ADAMTSL3: variants seen among roughly 807,000 people sequenced by gnomAD.
The protein encoded by ADAMTSL3 is ADAMTS like 3.
ADAMTSL3 carries 128 observed loss-of-function variants against 201.7 expected under a neutral mutation model. The observed-to-expected ratio is 0.63, with a 90% CI of 0.55 to 0.73. The LOEUF is 0.73. Ranked by LOEUF, ADAMTSL3 falls within the 30% of genes least tolerant of loss-of-function variation. The probability of loss-of-function intolerance (pLI) is 0.00; values close to 1 mark genes in which losing one functional copy is unlikely to be tolerated. For synonymous variants in ADAMTSL3, 738 were observed against 748.4 expected (o/e 0.99, Z 0.23); for missense variants, 1,990 against 2,119.6 (o/e 0.94, Z 1.20).
intron 4 of ADAMTSL3, among the ~76,000 whole-genome samples, chr15:83,794,735 C>G (rs755838367): frequency 1.3e-5 from 2 of 151,968 alleles, no homozygotes; most frequent in African/African-American, 4.8e-5. Flanking sequence ...TGTACATTAC[C>G]TGTATTAATA....
intron 20 of ADAMTSL3, among the ~76,000 whole-genome samples, chr15:83,980,538 T>C (rs1434915387): frequency 6.6e-6 from 1 of 152,148 alleles, no homozygotes; most frequent in Non-Finnish European, 1.5e-5. Flanking sequence ...GCTGGGCCAT[T>C]TGACATACTT....
At chr15:83,819,718 T>C (rs1311623955) in intron 5 of ADAMTSL3, 93 bp from the exon 6 acceptor site, 1 of 956,552 alleles carries the variant, frequency 1.0e-6, no homozygotes, top group Non-Finnish European at 1.7e-6. Context: ...GCAAGTGAGG[T>C]GTGGTCTCAT....
In ADAMTSL3 at chr15:83,917,417, G is replaced by GTGTGTGTGTGTATGTA. The variant is rs9329362; in HGVS notation, c.1987+4042_1987+4043insGTGTGTGTATGTATGT. On this transcript the variant is annotated intron_variant, in intron 16 of 29. Coordinates refer to ENST00000286744, the MANE Select transcript of ADAMTSL3 (RefSeq NM_207517.3). Reference sequence around the variant, plus strand: ...CACCAATCTCCAGCTTCCAAAGTGTGTGTATGTATGTATGTATGTATGTAT... The same window carrying GTGTGTGTGTGTATGTA: ...CACCAATCTCCAGCTTCCAAAGTGTGTGTGTGTGTGTATGTATGTATGTATGTATGTATGTATGTAT... Among the ~76,000 whole-genome samples, 77 of 146,634 alleles carry GTGTGTGTGTGTATGTA rather than the reference G, an allele frequency of 5.3e-4. 1 individual carries two copies. Among genetic ancestry groups the GTGTGTGTGTGTATGTA allele is most frequent in the Admixed American group, 4.1e-3 (60 of 14,586 alleles).
chr15:83,876,440 A>AT (rs77506126), intron 9 of ADAMTSL3, among the ~76,000 whole-genome samples: 3 of 150,962 alleles, frequency 2.0e-5, no homozygotes, highest in Non-Finnish European at 4.4e-5. Context: ...TTCTATTTTC[A>AT]TTTTTTTTCT....
chr15:83,686,550 C>A (rs890356571), intron 2 of ADAMTSL3, among the ~76,000 whole-genome samples: 1 of 152,078 alleles, frequency 6.6e-6, no homozygotes, highest in Non-Finnish European at 1.5e-5. Flanking sequence ...ATGTGGTGTT[C>A]TTGCAGTTAG....
intron 3 of ADAMTSL3, among the ~76,000 whole-genome samples, chr15:83,763,663 C>A (rs991205612): frequency 6.6e-6 from 1 of 152,060 alleles, no homozygotes. Context: ...CACCACCATG[C>A]CTGGCTAATT....
chr15:83,935,550 G>GGA (rs1567247322), intron 17 of ADAMTSL3, among the ~76,000 whole-genome samples: 4 of 151,394 alleles, frequency 2.6e-5, no homozygotes, highest in South Asian at 2.1e-4. Context: ...TCCCAAACGG[G>GGA]AAAAAAAATA....
chr15:83,772,854 C>T (rs982964175), intron 3 of ADAMTSL3, among the ~76,000 whole-genome samples: 2 of 152,038 alleles, frequency 1.3e-5, no homozygotes, highest in Non-Finnish European at 2.9e-5. Flanking sequence ...TACAGGCACG[C>T]ACCATCACAC....
intron 17 of ADAMTSL3, among the ~76,000 whole-genome samples, chr15:83,927,956 A>G (rs2066280528): frequency 6.6e-6 from 1 of 151,076 alleles, no homozygotes. Flanking sequence ...AATTGTGACT[A>G]CAATTTGGCT....
intron 6 of ADAMTSL3, among the ~76,000 whole-genome samples, chr15:83,831,557 A>C (rs2064157456): frequency 6.6e-6 from 1 of 152,072 alleles, no homozygotes; most frequent in Non-Finnish European, 1.5e-5. Context: ...TTTTGAGACA[A>C]AGTCTCTCTC....
intron 7 of ADAMTSL3, among the ~76,000 whole-genome samples, chr15:83,851,306 A>T (rs1425128677): frequency 1.3e-5 from 2 of 152,152 alleles, no homozygotes; most frequent in African/African-American, 4.8e-5. Flanking sequence ...CAAGAGTTAT[A>T]TAGTAGGCAG....
At chr15:83,951,201 C>CTT (rs57418721) in intron 19 of ADAMTSL3, among the ~76,000 whole-genome samples, 1 of 151,068 alleles carries the variant, frequency 6.6e-6, no homozygotes, top group African/African-American at 2.4e-5. Context: ...TTCTATACTC[C>CTT]TTTTTTTTAG....
chr15:83,819,568 G>A (rs1178511473), intron 5 of ADAMTSL3, among the ~76,000 whole-genome samples: 2 of 151,688 alleles, frequency 1.3e-5, no homozygotes, highest in Non-Finnish European at 2.9e-5. Context: ...ATACCTGGGT[G>A]GGTGAATGAT....
intron 7 of ADAMTSL3, among the ~76,000 whole-genome samples, chr15:83,858,021 T>A (rs2064777304): frequency 6.6e-6 from 1 of 152,228 alleles, no homozygotes; most frequent in Admixed American, 6.5e-5. Flanking sequence ...GGACCAGGAT[T>A]TCCAGTAGGT....
intron 23 of ADAMTSL3, among the ~76,000 whole-genome samples, chr15:84,013,695 G>T (rs759044095): frequency 1.8e-4 from 28 of 152,188 alleles, no homozygotes; most frequent in Non-Finnish European, 3.2e-4. Flanking sequence ...GGTCACTTGA[G>T]CCCAGGAGGT....
chr15:83,788,226 A>T (rs894009308), intron 4 of ADAMTSL3, among the ~76,000 whole-genome samples: 1 of 152,002 alleles, frequency 6.6e-6, no homozygotes, highest in Non-Finnish European at 1.5e-5. Flanking sequence ...ATTCACTTTA[A>T]TTTTCTTTTA....
At chr15:83,819,468 G>T (rs1313623941) in intron 5 of ADAMTSL3, among the ~76,000 whole-genome samples, 5 of 152,054 alleles carry the variant, frequency 3.3e-5, no homozygotes, top group Admixed American at 2.6e-4. Context: ...AAGGAGATTA[G>T]ATAATGCATT....
chr15:83,826,181 CTG>C (rs1408473637), intron 6 of ADAMTSL3, among the ~76,000 whole-genome samples: 1 of 152,136 alleles, frequency 6.6e-6, no homozygotes, highest in Non-Finnish European at 1.5e-5. Flanking sequence ...TTACAGCTCA[CTG>C]TAGCCTTGGG....
chr15:84,021,413 C>A lies in ADAMTSL3; in HGVS notation c.4277C>A (p.Pro1426His). ...ATATTTTGTTTTCTTTCTGCAGAGC[C>A]TTTTTGGGAGCCTGGTAACTGGTCA... Reference protein sequence around the residue: ...DPTGEPPPQEPFWEPGNWSHC... With the variant: ...DPTGEPPPQEHFWEPGNWSHC... The change falls in exon 26 of 30, where the codon CCT becomes CAT. Residue 1426 changes from proline (P) to histidine (H), a missense_variant. Transcript: ENST00000286744. 6.2e-7 allele frequency: 1 copy of A among 1,614,002 alleles called. No homozygotes were observed.
Sources: gnomAD v4.1 joint callset for allele counts (sites outside exome capture counted in the v4.1 genomes callset) on GRCh38, gnomAD v4.1.1 for gene constraint, MANE v1.5 for transcripts, NCBI Gene and HGNC (gene_info 2026-07-23, HGNC 2026-07-21) for gene names.